The following MCOLN3 variants were observed in gnomAD, a reference collection of about 807,000 sequenced individuals.
MCOLN3 encodes the protein mucolipin TRP cation channel 3.
A neutral mutation model predicts 69.4 loss-of-function variants in MCOLN3; 62 were observed. That is an observed-to-expected ratio of 0.89 (90% CI 0.73 to 1.10). The LOEUF is 1.10. MCOLN3 is among the 50% of genes least tolerant of loss of function. The probability of loss-of-function intolerance (pLI) is 0.00; values close to 1 mark genes in which losing one functional copy is unlikely to be tolerated. For synonymous variants in MCOLN3, 183 were observed against 217.0 expected, an observed-to-expected ratio of 0.84 and a Z score of 1.38; for missense variants, 564 against 656.4, an observed-to-expected ratio of 0.86 and a Z score of 1.54.
intron 12 of MCOLN3, among the ~76,000 whole-genome samples, chr1:85,020,626 C>T (rs1034776239): frequency 6.6e-6 from 1 of 152,200 alleles, no homozygotes; most frequent in Non-Finnish European, 1.5e-5. Flanking sequence ...CCCTGCAGGG[C>T]CTTGCAAAGA....
chr1:85,042,988 C>G (rs1276930800), intron 2 of MCOLN3, among the ~76,000 whole-genome samples: 1 of 152,156 alleles, frequency 6.6e-6, no homozygotes, highest in East Asian at 1.9e-4. Flanking sequence ...TTACTAGCAG[C>G]CTTAATATCT....
chr1:85,034,397 G>A (rs899072651), intron 3 of MCOLN3, 146 bp from the exon 4 acceptor site: 1 of 727,292 alleles, frequency 1.4e-6, no homozygotes, highest in African/African-American at 1.8e-5. Context: ...GTGACTTGCT[G>A]CTGTGCACTA....
intron 2 of MCOLN3, among the ~76,000 whole-genome samples, 154 bp from the exon 3 acceptor site, chr1:85,041,331 GA>G (rs1653052605): frequency 6.6e-6 from 1 of 152,162 alleles, no homozygotes; most frequent in African/African-American, 2.4e-5. Context: ...AATAAATTAA[GA>G]AAGTCCAAGT....
chr1:85,034,547 G>T (rs539292101), intron 3 of MCOLN3, among the ~76,000 whole-genome samples: 4 of 152,216 alleles, frequency 2.6e-5, no homozygotes, highest in African/African-American at 9.6e-5. Flanking sequence ...CTCCCTTAAA[G>T]AATTATGTTT....
chr1:85,033,956 C>A, intron 4 of MCOLN3, 142 bp downstream of exon 4: 3 of 896,864 alleles, frequency 3.3e-6, no homozygotes, highest in Non-Finnish European at 3.4e-6. Flanking sequence ...AGAACAGTAC[C>A]TGACACATAA....
At chr1:85,028,117 G>A (rs1464011096) in intron 7 of MCOLN3, among the ~76,000 whole-genome samples, 1 of 152,174 alleles carries the variant, frequency 6.6e-6, no homozygotes, top group Non-Finnish European at 1.5e-5. Context: ...TGTGGAGAAT[G>A]ATTATAAAGT....
intron 12 of MCOLN3, among the ~76,000 whole-genome samples, chr1:85,019,663 C>T (rs1179907337): frequency 6.6e-6 from 1 of 152,190 alleles, no homozygotes; most frequent in Non-Finnish European, 1.5e-5. Flanking sequence ...CACAAGAAGC[C>T]CAGTGGATCT....
At chr1:85,019,392 A>G (rs1651813750) in intron 12 of MCOLN3, 135 bp from the exon 13 acceptor site, 1 of 801,752 alleles carries the variant, frequency 1.2e-6, no homozygotes, top group Non-Finnish European at 2.0e-6. Flanking sequence ...AGTACCTGCA[A>G]AGGAGATGTA....
chr1:85,035,770 C>T (rs1321266022), intron 3 of MCOLN3, among the ~76,000 whole-genome samples: 1 of 152,218 alleles, frequency 6.6e-6, no homozygotes, highest in East Asian at 1.9e-4. Flanking sequence ...CTCCCTCTCA[C>T]CTTAGTCTAG....
chr1:85,036,874 C>G (rs1391309298), intron 3 of MCOLN3: 2 of 152,124 alleles, frequency 1.3e-5, no homozygotes, highest in Non-Finnish European at 2.9e-5. Flanking sequence ...TTACCCTAAA[C>G]CAAAAGATTT....
chr1:85,024,694 T>TG (rs944422868), intron 9 of MCOLN3: 4 of 152,188 alleles, frequency 2.6e-5, no homozygotes, highest in African/African-American at 9.7e-5. Flanking sequence ...GATATTTTGT[T>TG]GGATACCATT....
intron 4 of MCOLN3, 134 bp downstream of exon 4, chr1:85,033,964 T>TA: frequency 1.0e-5 from 10 of 962,996 alleles, no homozygotes; most frequent in Non-Finnish European, 1.5e-5. Flanking sequence ...ACCTGACACA[T>TA]AATAACTCGT....
intron 11 of MCOLN3, 37 bp from the exon 12 acceptor site, chr1:85,021,313 T>C (rs911012699): frequency 1.3e-6 from 2 of 1,547,504 alleles, no homozygotes; most frequent in Non-Finnish European, 8.8e-7. Flanking sequence ...CTTTATTCCA[T>C]GTTCCTTCCC....
At chr1:85,022,483 C>T in intron 9 of MCOLN3, 83 bp from the exon 10 acceptor site, 1 of 907,966 alleles carries the variant, frequency 1.1e-6, no homozygotes. Context: ...ATGAGTAAGG[C>T]ACTGTTTTAG....
At position 85,032,704 on chromosome 1, in the gene MCOLN3, TAA is replaced by T. The variant is rs777896147; in HGVS notation, c.722_723del (p.Phe241TyrfsTer7). The T allele has an allele frequency of 6.2e-7, 1 of 1,612,394 alleles. No individual in the cohort carries two copies. Among genetic ancestry groups the T allele is most frequent in the African/African-American group, 1.3e-5 (1 of 74,934 alleles). ...GCCTGGCCCACACTTACAGTCAGAG[TAA>T]AGTCATAACAGTCAGGGAGTTCTTG... ...RHQELPDCYD[F>X]TLTITFDNKA... On this transcript the variant is annotated frameshift_variant, in exon 6 of 13. Coordinates refer to ENST00000370589, the MANE Select transcript of MCOLN3 (RefSeq NM_018298.11). LOFTEE classifies it high-confidence loss of function.
In MCOLN3 at chr1:85,034,241, A is replaced by T. The variant is rs1363249603; in HGVS notation, c.407T>A (p.Leu136Gln). Reference protein sequence around the residue: ...LIFAVNQYLQLYNVSVGNHAY... With the variant: ...LIFAVNQYLQQYNVSVGNHAY... ...ATGATTCCCAACGGAGACATTGTAT[A>T]GCTGCAAGTACTTCAACCAAAATGA... The change falls in exon 4 of 13, where the codon CTA becomes CAA. Residue 136 changes from leucine to glutamine, a missense_variant. Transcript: ENST00000370589. 6.2e-7 allele frequency: 1 copy of T among 1,614,164 alleles called. No individual in the cohort carries two copies. The highest frequency in any genetic ancestry group is 1.7e-5 in the Admixed American group (1 of 60,024).
intron 11 of MCOLN3, among the ~76,000 whole-genome samples, chr1:85,021,810 C>T (rs1171614264): frequency 6.6e-6 from 1 of 152,168 alleles, no homozygotes; most frequent in Non-Finnish European, 1.5e-5. Context: ...ATCAAATTGA[C>T]TAAACTTGAC....
intron 7 of MCOLN3, among the ~76,000 whole-genome samples, chr1:85,027,468 T>G (rs1652279570): frequency 6.6e-6 from 1 of 152,312 alleles, no homozygotes; most frequent in African/African-American, 2.4e-5. Context: ...GTGAAAGAGC[T>G]GGGGGAAAAT....
At chr1:85,023,001 T>C (rs374145484) in intron 9 of MCOLN3, 4 of 151,952 alleles carry the variant, frequency 2.6e-5, no homozygotes, top group African/African-American at 9.7e-5. Flanking sequence ...AGGATGCTAT[T>C]GCAATAATAT....
Sources: gnomAD v4.1 joint callset for allele counts (sites outside exome capture counted in the v4.1 genomes callset) on GRCh38, gnomAD v4.1.1 for gene constraint, MANE v1.5 for transcripts, NCBI Gene and HGNC (gene_info 2026-07-23, HGNC 2026-07-21) for gene names.